Variants in HNF1B observed in about 807,000 individuals in gnomAD.
HNF1B encodes HNF1 homeobox B.
HNF1B carries 8 observed loss-of-function variants against 61.7 expected under a neutral mutation model. The observed-to-expected ratio is 0.13, with a 90% CI of 0.08 to 0.23. The LOEUF (loss-of-function observed/expected upper bound fraction) is 0.23. Among genes scored for constraint, HNF1B ranks in the 10% least tolerant of loss-of-function variants. The pLI, the probability that HNF1B is intolerant of heterozygous loss-of-function variation, is 1.00. For missense variants in HNF1B, 562 were observed against 714.5 expected (o/e 0.79, Z 2.43); for synonymous variants, 314 against 287.7 (o/e 1.09, Z -0.93).
At chr17:37,721,053 CT>C (rs768092703) in intron 4 of HNF1B, 32 of 644,168 alleles carry the variant, frequency 5.0e-5, no homozygotes, top group Non-Finnish European at 6.0e-5. Flanking sequence ...CTCACATAGA[CT>C]TCACTGCCAA....
intron 4 of HNF1B, among the ~76,000 whole-genome samples, chr17:37,719,578 G>A (rs1201643561): frequency 6.6e-6 from 1 of 152,216 alleles, no homozygotes; most frequent in Non-Finnish European, 1.5e-5. Context: ...CCAGGGTCTG[G>A]TATTTTCTGA....
chr17:37,728,701 T>A (rs2033591074), intron 4 of HNF1B: 1 of 146,606 alleles, frequency 6.8e-6, no homozygotes, highest in African/African-American at 2.6e-5. Context: ...GTGGGAAGAG[T>A]GCCATGCGGC....
rs2147600963 is a variant in HNF1B, at chr17:37,744,912, GA to G, written c.-29del. ...TCCAAGGACGGAAAAAGAAGGGGGT[GA>G]GGGGGTGGGTGGGTGCGAGAGAGGA... On this transcript the variant is annotated 5_prime_UTR_variant, in exon 1 of 9. Transcript: ENST00000617811. The G allele has an allele frequency of 4.4e-6, 6 of 1,378,826 alleles. No homozygotes were observed. Among genetic ancestry groups the G allele is most frequent in the Admixed American group, 1.7e-5 (1 of 59,014 alleles). The allele number at this position is 1,378,826 out of a possible 1,614,324, so 85.4% of individuals were successfully genotyped here.
At position 37,721,585 on chromosome 17, in the gene HNF1B, G is replaced by T. The variant is rs539155667; in HGVS notation, c.1045+10010C>A. 2.2e-4 allele frequency among the ~76,000 whole-genome samples: 33 copies of T among 152,158 alleles called. No homozygotes were observed. The South Asian group carries it at 6.0e-3, about 28-fold the overall frequency. ...CTGATCTCCTGAATCCTAGTCCAAG[G>T]CCCCTCACCCCGGCTGCTTCTCTTT... On this transcript the variant is annotated intron_variant, in intron 4 of 8. Coordinates refer to ENST00000617811, the MANE Select transcript of HNF1B (RefSeq NM_000458.4).
At chr17:37,688,856 G>A (rs2032084149) in intron 8 of HNF1B, among the ~76,000 whole-genome samples, 1 of 152,140 alleles carries the variant, frequency 6.6e-6, no homozygotes, top group South Asian at 2.1e-4. Context: ...TCTTAAGAGT[G>A]GGGCTGAAGG....
rs1040315225 is a variant in HNF1B, at chr17:37,700,907, T to G, written c.1534+76A>C. 2.9e-6 allele frequency: 4 copies of G among 1,374,436 alleles called. No homozygotes were observed. The East Asian group carries it at 1.0e-4, about 34-fold the overall frequency. The allele number at this position is 1,374,436 out of a possible 1,614,324, so 85.1% of individuals were successfully genotyped here. ...CAAGCCAATAAACTTCCGAGAAAGT[T>G]CAGACCCAGAGAGGGAAAGTGGTTG... On this transcript the variant is annotated intron_variant, in intron 7 of 8. Transcript: ENST00000617811.
rs770078634 is a variant in HNF1B at position 37,744,739 on chromosome 17, G to C, written c.146C>G (p.Ser49Cys). The change falls in exon 1 of 9, where the codon TCC becomes TGC. Residue 49 changes from serine to cysteine, a missense_variant. Physicochemically the swap from Ser to Cys is moderately radical, Grantham distance 112. Around this residue, in one of 6 missense-constraint regions of HNF1B, gnomAD observed 148 missense variants for 147.3 expected, o/e 1.00. Coordinates refer to ENST00000617811, the MANE Select transcript of HNF1B (RefSeq NM_000458.4). The part of the protein sequence containing the change: ...FGVKLETLPL[S>C]PGSGAEPDTK... Reference sequence around the variant, plus strand: ...GTCGGGCTCGGCCCCGCTGCCAGGGGACAGGGGCAGCGTCTCCAGCTTCAC... The same window carrying C: ...GTCGGGCTCGGCCCCGCTGCCAGGGCACAGGGGCAGCGTCTCCAGCTTCAC... 5 of 1,613,512 alleles carry C rather than the reference G, an allele frequency of 3.1e-6. No individual in the cohort carries two copies. Among genetic ancestry groups the C allele is most frequent in the Non-Finnish European group, 4.2e-6 (5 of 1,180,030 alleles).
chr17:37,716,434 A>C (rs2033113554), intron 4 of HNF1B, among the ~76,000 whole-genome samples: 1 of 152,060 alleles, frequency 6.6e-6, no homozygotes, highest in South Asian at 2.1e-4. Flanking sequence ...CCTGACCTCA[A>C]GTGATCCGCC....
chr17:37,715,078 C>A (rs2033059099), intron 4 of HNF1B, among the ~76,000 whole-genome samples: 1 of 152,160 alleles, frequency 6.6e-6, no homozygotes, highest in African/African-American at 2.4e-5. Context: ...TGGAAAGCAT[C>A]TCGTGTCACA....
intron 5 of HNF1B, among the ~76,000 whole-genome samples, chr17:37,710,161 C>T (rs901758177): frequency 1.3e-5 from 2 of 149,748 alleles, no homozygotes; most frequent in African/African-American, 2.4e-5. Context: ...CTTTGGAGGC[C>T]TTGGGGGGAG....
At chr17:37,710,068 T>A (rs2032879679) in intron 5 of HNF1B, among the ~76,000 whole-genome samples, 1 of 152,204 alleles carries the variant, frequency 6.6e-6, no homozygotes, top group Admixed American at 6.5e-5. Context: ...TGCTAATGAC[T>A]CTTCTTGTCA....
At chr17:37,696,132 A>T in intron 8 of HNF1B, among the ~76,000 whole-genome samples, 1 of 152,094 alleles carries the variant, frequency 6.6e-6, no homozygotes, top group South Asian at 2.1e-4. Context: ...GAGTTAGTTC[A>T]CGTGAGATCT....
intron 4 of HNF1B, among the ~76,000 whole-genome samples, chr17:37,724,299 G>A (rs915583743): frequency 8.5e-5 from 10 of 117,194 alleles, no homozygotes; most frequent in African/African-American, 2.6e-4. Context: ...CCTTAGAACT[G>A]GTTCTCAAAT....
At chr17:37,687,976 G>A (rs951831908) in intron 8 of HNF1B, among the ~76,000 whole-genome samples, 1 of 152,226 alleles carries the variant, frequency 6.6e-6, no homozygotes, top group Non-Finnish European at 1.5e-5. Flanking sequence ...AGGCCAGAAA[G>A]CACACGAGAA....
In HNF1B at chr17:37,690,776, C is replaced by T. The variant is rs183445219; in HGVS notation, c.1654-3384G>A. Among the ~76,000 whole-genome samples the T allele has an allele frequency of 9.2e-5, 14 of 152,296 alleles. No individual in the cohort carries two copies. The South Asian group carries it at 1.0e-3, about 11-fold the overall frequency. ...AAATGAAGAGTTCCTATTTTAGGCACGTTGAATTCAAGAGGCTTATTAGAT... is the reference window on the plus strand; with the variant it reads ...AAATGAAGAGTTCCTATTTTAGGCATGTTGAATTCAAGAGGCTTATTAGAT... On this transcript the variant is annotated intron_variant, in intron 8 of 8. Transcript: ENST00000617811.
At chr17:37,705,092 A>G (rs952410476) in intron 5 of HNF1B, 43 bp from the exon 6 acceptor site, 3 of 1,593,042 alleles carry the variant, frequency 1.9e-6, no homozygotes, top group Non-Finnish European at 2.6e-6. Context: ...GTGGACTTGG[A>G]CCACAAAGAG....
At chr17:37,694,180 C>T (rs1231073508) in intron 8 of HNF1B, among the ~76,000 whole-genome samples, 1 of 152,144 alleles carries the variant, frequency 6.6e-6, no homozygotes, top group Non-Finnish European at 1.5e-5. Flanking sequence ...GTAATCCCAG[C>T]ACTTTGGGAG....
chr17:37,708,358 G>A (rs1313852226), intron 5 of HNF1B, among the ~76,000 whole-genome samples: 1 of 152,220 alleles, frequency 6.6e-6, no homozygotes, highest in Non-Finnish European at 1.5e-5. Flanking sequence ...ACGTTGAGGT[G>A]TGCAGTCTTG....
chr17:37,704,185 C>T (rs1352029297), intron 6 of HNF1B, among the ~76,000 whole-genome samples: 1 of 152,220 alleles, frequency 6.6e-6, no homozygotes, highest in Non-Finnish European at 1.5e-5. Context: ...CCACAGTTCC[C>T]TTCAGCCTTC....
Sources: allele counts gnomAD v4.1 joint callset (sites outside exome capture counted in the v4.1 genomes callset), GRCh38; gene constraint gnomAD v4.1.1; regional missense constraint gnomAD v4.1.1; transcripts MANE v1.5; gene names NCBI Gene and HGNC (gene_info 2026-07-23, HGNC 2026-07-21).